The following UNC13C variants were observed in gnomAD, a reference collection of about 807,000 sequenced individuals.
UNC13C encodes the protein unc-13 homolog C.
In UNC13C, 174 loss-of-function variants were observed where a neutral mutation model predicts 245.4. That is an observed-to-expected ratio of 0.71 (90% CI 0.63 to 0.80). The LOEUF is 0.80. Among genes scored for constraint, UNC13C ranks in the 30% least tolerant of loss-of-function variants. The pLI, the probability that UNC13C is intolerant of heterozygous loss-of-function variation, is 0.00. For synonymous variants in UNC13C, 992 were observed against 895.1 expected, an observed-to-expected ratio of 1.11 and a Z score of -1.93; for missense variants, 2,829 against 2,602.9, an observed-to-expected ratio of 1.09 and a Z score of -1.89.
At chr15:53,911,709 G>C in the UNC13C span, 43,731 of 152,104 alleles carry the variant, frequency 0.29, 6,796 homozygotes, top group South Asian at 0.4. Context: ...AATGATGCCA[G>C]AGAGACCCCA....
At chr15:53,891,916 G>C in the UNC13C span, among the ~76,000 whole-genome samples, 26 of 152,298 alleles carry the variant, frequency 1.7e-4, no homozygotes, top group Middle Eastern at 6.8e-3. Flanking sequence ...ATGCTGGCTG[G>C]TTATTTTGTC....
rs1901343742 is a variant in UNC13C at position 54,628,531 on chromosome 15, A to G, written c.*1418A>G. The G allele has an allele frequency of 6.6e-6, 1 of 152,488 alleles. No individual in the cohort carries two copies. The highest frequency in any genetic ancestry group is 6.6e-5 in the Admixed American group (1 of 15,254). 9.4% of individuals were successfully genotyped at this position (152,488 alleles called of 1,614,324 possible). A position where few individuals can be genotyped will look rare whatever the true frequency, so the allele number is the denominator to read the frequency against. ...CTGTTAGGCCACTGCTTTGTTAATG[A>G]CTCCTCTAAATGCATAGTGTGATGC... On this transcript the variant is annotated 3_prime_UTR_variant, in exon 33 of 33. Transcript: ENST00000260323.
chr15:54,509,382 A>G lies in UNC13C; in HGVS notation c.5379+2188A>G, dbSNP rs556329071. ...ATTTCACATTCCAAAATATAGCAAGACATCACAATCTAAATTAGAATTACT... is the reference window on the plus strand; with the variant it reads ...ATTTCACATTCCAAAATATAGCAAGGCATCACAATCTAAATTAGAATTACT... On this transcript the variant is annotated intron_variant, in intron 23 of 32. Coordinates refer to ENST00000260323, the MANE Select transcript of UNC13C (RefSeq NM_001080534.3). Among the ~76,000 whole-genome samples, 22 of 152,350 alleles carry G rather than the reference A, an allele frequency of 1.4e-4. No individual in the cohort carries two copies. The South Asian group carries it at 4.3e-3, about 30-fold the overall frequency.
At chr15:54,142,477 C>A (rs967539375) in intron 2 of UNC13C, among the ~76,000 whole-genome samples, 9 of 152,168 alleles carry the variant, frequency 5.9e-5, no homozygotes, top group Admixed American at 5.9e-4. Context: ...TCAACTTAAT[C>A]TTTTAGCTCG....
At chr15:53,866,261 T>C in the UNC13C span, among the ~76,000 whole-genome samples, 5 of 152,148 alleles carry the variant, frequency 3.3e-5, no homozygotes, top group Non-Finnish European at 5.9e-5. Flanking sequence ...AAAATATATG[T>C]GCTATACATT....
At chr15:53,999,673 T>C (rs943668469) in intron 1 of UNC13C, among the ~76,000 whole-genome samples, 2 of 152,052 alleles carry the variant, frequency 1.3e-5, no homozygotes, top group South Asian at 2.1e-4. Context: ...TCTTAGATTA[T>C]TTAAACCTAT....
chr15:53,923,023 C>A, the UNC13C span, among the ~76,000 whole-genome samples: 1 of 152,180 alleles, frequency 6.6e-6, no homozygotes, highest in Non-Finnish European at 1.5e-5. Flanking sequence ...ATATTTCAGT[C>A]TCAGGTTTGT....
intron 2 of UNC13C, among the ~76,000 whole-genome samples, chr15:54,043,586 C>A (rs1446286954): frequency 1.3e-5 from 2 of 152,168 alleles, no homozygotes; most frequent in Non-Finnish European, 2.9e-5. Context: ...TTGTAAACAT[C>A]CAGCCATTTG....
intron 30 of UNC13C, among the ~76,000 whole-genome samples, chr15:54,573,870 C>T (rs1897855053): frequency 6.6e-6 from 1 of 152,080 alleles, no homozygotes; most frequent in Non-Finnish European, 1.5e-5. Flanking sequence ...CTAGGACACC[C>T]TAATCTAACA....
chr15:54,409,506 GT>G (rs2040374659), intron 18 of UNC13C, among the ~76,000 whole-genome samples: 1 of 152,156 alleles, frequency 6.6e-6, no homozygotes, highest in African/African-American at 2.4e-5. Context: ...CCAATAGGTA[GT>G]TTTTAGATCC....
chr15:54,061,987 T>C (rs1897859992), intron 2 of UNC13C, among the ~76,000 whole-genome samples: 1 of 152,098 alleles, frequency 6.6e-6, no homozygotes, highest in South Asian at 2.1e-4. Context: ...CATGCCAAGA[T>C]GGGGAGTGAC....
intron 4 of UNC13C, among the ~76,000 whole-genome samples, chr15:54,172,583 T>C (rs2033440829): frequency 6.6e-6 from 1 of 150,954 alleles, no homozygotes; most frequent in African/African-American, 2.4e-5. Flanking sequence ...TGCTGAAATA[T>C]ACCTGGAATG....
chr15:54,380,672 A>C (rs1023458143), intron 17 of UNC13C, among the ~76,000 whole-genome samples: 3 of 152,090 alleles, frequency 2.0e-5, no homozygotes, highest in African/African-American at 7.2e-5. Flanking sequence ...GAAAGGTGAT[A>C]TTTCATTGTG....
intron 2 of UNC13C, among the ~76,000 whole-genome samples, chr15:54,128,340 C>T (rs144133713): frequency 9.9e-4 from 151 of 152,240 alleles, no homozygotes; most frequent in African/African-American, 3.4e-3. Flanking sequence ...TTTTTATATC[C>T]TTAACTTATT....
At chr15:54,241,774 C>T (rs894599088) in intron 7 of UNC13C, among the ~76,000 whole-genome samples, 1 of 152,176 alleles carries the variant, frequency 6.6e-6, no homozygotes, top group African/African-American at 2.4e-5. Context: ...AGGGCAGGAA[C>T]TTGTGATCGG....
chr15:54,626,570 A>T (rs369308054), intron 32 of UNC13C, among the ~76,000 whole-genome samples: 13 of 152,168 alleles, frequency 8.5e-5, no homozygotes, highest in Admixed American at 6.5e-4. Flanking sequence ...ACCCGCAATC[A>T]GGAGATTCTG....
At chr15:54,488,434 A>G (rs1436185547) in intron 19 of UNC13C, among the ~76,000 whole-genome samples, 4 of 152,222 alleles carry the variant, frequency 2.6e-5, no homozygotes, top group African/African-American at 9.6e-5. Context: ...TATATGTTAC[A>G]AACTATAGGA....
At chr15:54,426,572 C>G (rs915382778) in intron 19 of UNC13C, among the ~76,000 whole-genome samples, 1 of 151,466 alleles carries the variant, frequency 6.6e-6, no homozygotes, top group Non-Finnish European at 1.5e-5. Context: ...GTATTTTAGT[C>G]ATTAGAAGCA....
At chr15:54,020,225 G>C (rs1399181565) in intron 2 of UNC13C, among the ~76,000 whole-genome samples, 1 of 150,916 alleles carries the variant, frequency 6.6e-6, no homozygotes, top group Non-Finnish European at 1.5e-5. Flanking sequence ...TTTTAAACTT[G>C]AAAGAGATAA....
Sources: gnomAD v4.1 joint callset for allele counts (sites outside exome capture counted in the v4.1 genomes callset) on GRCh38, gnomAD v4.1.1 for gene constraint, MANE v1.5 for transcripts, NCBI Gene and HGNC (gene_info 2026-07-23, HGNC 2026-07-21) for gene names.